The following SYT2 variants were observed in gnomAD, a reference collection of about 807,000 sequenced individuals.
SYT2 encodes the protein synaptotagmin 2.
Under a neutral mutation model 39.9 loss-of-function variants are expected in SYT2, and 15 were observed. The observed-to-expected ratio is 0.38, with a 90% CI of 0.25 to 0.58. The LOEUF (loss-of-function observed/expected upper bound fraction) is 0.58. SYT2 is among the 20% of genes least tolerant of loss of function. The pLI, the probability that SYT2 is intolerant of heterozygous loss-of-function variation, is 0.70. For missense variants in SYT2, 389 were observed against 530.3 expected (o/e 0.73, Z 2.62); for synonymous variants, 181 against 204.5 (o/e 0.89, Z 0.98).
chr1:202,704,396 T>C (rs1451142101), intron 1 of SYT2, among the ~76,000 whole-genome samples: 1 of 152,090 alleles, frequency 6.6e-6, no homozygotes, highest in African/African-American at 2.4e-5. Flanking sequence ...ACAGAGTAGG[T>C]GCTTAGTGCA....
chr1:202,676,953 T>C (rs1356771574), intron 1 of SYT2, among the ~76,000 whole-genome samples: 1 of 152,216 alleles, frequency 6.6e-6, no homozygotes, highest in Non-Finnish European at 1.5e-5. Flanking sequence ...GTTCTCATGA[T>C]AGAGTTCTCA....
At chr1:202,640,781 A>G (rs931228191) in intron 1 of SYT2, among the ~76,000 whole-genome samples, 1 of 143,294 alleles carries the variant, frequency 7.0e-6, no homozygotes. Flanking sequence ...AGAGAGAGAG[A>G]GAGAGAGAGA....
At chr1:202,703,572 C>T (rs145555490) in intron 1 of SYT2, among the ~76,000 whole-genome samples, 153 of 152,270 alleles carry the variant, frequency 1.0e-3, no homozygotes, top group African/African-American at 3.4e-3. Flanking sequence ...TGGCCTCCAT[C>T]ACCACTCTCC....
intron 1 of SYT2, among the ~76,000 whole-genome samples, chr1:202,635,311 G>A (rs1691710453): frequency 6.6e-6 from 1 of 152,126 alleles, no homozygotes; most frequent in African/African-American, 2.4e-5. Flanking sequence ...CTGTCCCAAT[G>A]AGGCCACTCA....
chr1:202,700,602 T>C (rs1466096974), intron 1 of SYT2, among the ~76,000 whole-genome samples: 2 of 152,198 alleles, frequency 1.3e-5, no homozygotes, highest in Non-Finnish European at 2.9e-5. Flanking sequence ...AACTATATTT[T>C]CCAAGACCAA....
intron 1 of SYT2, among the ~76,000 whole-genome samples, chr1:202,619,992 G>A (rs560797618): frequency 9.2e-5 from 14 of 152,186 alleles, no homozygotes; most frequent in South Asian, 2.1e-4. Flanking sequence ...GTAAAGATCC[G>A]GGTCTAAATT....
At chr1:202,666,630 C>T (rs1692486286) in intron 1 of SYT2, among the ~76,000 whole-genome samples, 1 of 152,196 alleles carries the variant, frequency 6.6e-6, no homozygotes, top group Non-Finnish European at 1.5e-5. Context: ...GACCAATGTG[C>T]TTACCATGGT....
At chr1:202,702,148 A>C (rs1283375752) in intron 1 of SYT2, among the ~76,000 whole-genome samples, 1 of 152,094 alleles carries the variant, frequency 6.6e-6, no homozygotes, top group Admixed American at 6.5e-5. Flanking sequence ...GCCCCAGGGC[A>C]CCCCTGCCAC....
At chr1:202,629,177 T>A (rs1177722872) in intron 1 of SYT2, among the ~76,000 whole-genome samples, 1 of 152,192 alleles carries the variant, frequency 6.6e-6, no homozygotes, top group Admixed American at 6.5e-5. Flanking sequence ...CTGAGATAAT[T>A]CAGGCCTCTC....
chr1:202,666,529 A>G (rs1692484634), intron 1 of SYT2, among the ~76,000 whole-genome samples: 1 of 152,152 alleles, frequency 6.6e-6, no homozygotes, highest in Admixed American at 6.5e-5. Context: ...GAAGAGAACA[A>G]TCTCTCCGTG....
chr1:202,677,129 G>A (rs1653396866), intron 1 of SYT2, among the ~76,000 whole-genome samples: 1 of 152,226 alleles, frequency 6.6e-6, no homozygotes, highest in Non-Finnish European at 1.5e-5. Flanking sequence ...GGAACTGTGA[G>A]TTGATGAAAT....
chr1:202,666,395 C>G (rs1355610559), intron 1 of SYT2, among the ~76,000 whole-genome samples: 1 of 152,130 alleles, frequency 6.6e-6, no homozygotes, highest in African/African-American at 2.4e-5. Context: ...CAGACCAATA[C>G]CCTACAGAGC....
intron 1 of SYT2, among the ~76,000 whole-genome samples, chr1:202,670,058 G>A (rs1046292015): frequency 2.6e-5 from 4 of 152,172 alleles, no homozygotes; most frequent in Admixed American, 6.5e-5. Flanking sequence ...GCCAGCACTC[G>A]TGAGGAAGGA....
At chr1:202,608,115 T>A (rs2149074389) in intron 1 of SYT2, among the ~76,000 whole-genome samples, 2 of 152,292 alleles carry the variant, frequency 1.3e-5, no homozygotes, top group Admixed American at 1.3e-4. Flanking sequence ...TCTATAGATT[T>A]GTCTATCCTA....
chr1:202,630,938 AAC>A (rs1027150770), intron 1 of SYT2, among the ~76,000 whole-genome samples: 1 of 152,206 alleles, frequency 6.6e-6, no homozygotes, highest in Admixed American at 6.5e-5. Context: ...ACTGGTGACA[AAC>A]ACTGTGTCCT....
rs1358991671 is a variant in SYT2, at chr1:202,623,383, C to A, written c.-17-17594G>T. Among the ~76,000 whole-genome samples, 1 of 152,202 alleles carries A rather than the reference C, an allele frequency of 6.6e-6. No individual in the cohort carries two copies. The highest frequency in any genetic ancestry group is 1.9e-4 in the East Asian group (1 of 5,188). ...TCCCAGCCCAGGGGGCTGCCTCTGG[C>A]CCCCAGACAGGCTGCCTTCCCACCT... On this transcript the variant is annotated intron_variant, in intron 1 of 8. Transcript: ENST00000367268. This position sits in a 1 kb window ranked among gnomAD's most constrained non-coding sequence, Gnocchi z 4.2.
At chr1:202,642,917 G>T (rs974311030) in intron 1 of SYT2, among the ~76,000 whole-genome samples, 1 of 152,246 alleles carries the variant, frequency 6.6e-6, no homozygotes, top group African/African-American at 2.4e-5. Context: ...TGGTCCCAGC[G>T]CTAAGGCACC....
chr1:202,694,606 C>T (rs907012479), intron 1 of SYT2, among the ~76,000 whole-genome samples: 1 of 152,076 alleles, frequency 6.6e-6, no homozygotes, highest in Non-Finnish European at 1.5e-5. Context: ...TCCCTAACTA[C>T]AGCAATAACA....
intron 1 of SYT2, among the ~76,000 whole-genome samples, chr1:202,652,684 G>T (rs1162998643): frequency 6.6e-6 from 1 of 152,198 alleles, no homozygotes; most frequent in African/African-American, 2.4e-5. Flanking sequence ...TCCTGGGAGG[G>T]GGCCGGGCAT....
Sources: gnomAD v4.1 joint callset for allele counts (sites outside exome capture counted in the v4.1 genomes callset) on GRCh38, gnomAD v4.1.1 for gene constraint, Gnocchi (gnomAD v3.1) non-coding constraint, MANE v1.5 for transcripts, NCBI Gene and HGNC (gene_info 2026-07-23, HGNC 2026-07-21) for gene names.